RPS6KA3: variants seen among roughly 807,000 people sequenced by gnomAD.
RPS6KA3 encodes the protein ribosomal protein S6 kinase A3, also known as ribosomal protein S6 kinase alpha-3.
RPS6KA3 carries 4 observed loss-of-function variants against 67.2 expected under a neutral mutation model. The ratio of observed to expected loss-of-function variants is 0.06; its 90% CI spans 0.03 to 0.14. RPS6KA3 has a LOEUF of 0.14. Among genes scored for constraint, RPS6KA3 ranks in the 10% least tolerant of loss-of-function variants. The probability of loss-of-function intolerance (pLI) is 1.00; values close to 1 mark genes in which losing one functional copy is unlikely to be tolerated. For missense variants in RPS6KA3, 204 were observed against 559.0 expected, an observed-to-expected ratio of 0.36 and a Z score of 6.40; for synonymous variants, 182 against 183.7, an observed-to-expected ratio of 0.99 and a Z score of 0.07.
chrX:20,192,664 G>A (rs979255285), intron 7 of RPS6KA3, among the ~76,000 whole-genome samples: 9 of 92,119 alleles, frequency 9.8e-5, no homozygotes, highest in African/African-American at 1.3e-4. Flanking sequence ...GCAACAGAGC[G>A]ATCTTGGCTC....
intron 10 of RPS6KA3, among the ~76,000 whole-genome samples, chrX:20,183,817 C>T (rs1202042824): frequency 8.9e-6 from 1 of 111,967 alleles, no homozygotes; most frequent in Non-Finnish European, 1.9e-5. Flanking sequence ...TGCATTGAAA[C>T]TATAGTTTTG....
intron 2 of RPS6KA3, among the ~76,000 whole-genome samples, chrX:20,211,643 A>T: frequency 9.0e-6 from 1 of 111,609 alleles, no homozygotes; most frequent in East Asian, 2.8e-4. Flanking sequence ...CACGTAAAGA[A>T]GTTCTCTTCT....
intron 3 of RPS6KA3, among the ~76,000 whole-genome samples, chrX:20,204,560 A>G (rs911761626): frequency 8.9e-6 from 1 of 112,111 alleles, no homozygotes; most frequent in Non-Finnish European, 1.9e-5. Flanking sequence ...TCTTTTCTGT[A>G]TACAAAAGCT....
intron 1 of RPS6KA3, among the ~76,000 whole-genome samples, chrX:20,242,114 GTA>G (rs1468910715): frequency 9.0e-6 from 1 of 111,468 alleles, no homozygotes; most frequent in Admixed American, 9.5e-5. Context: ...ATTGATATAA[GTA>G]TATAAACAAT....
chrX:20,168,081 T>G (rs145884193), intron 16 of RPS6KA3, among the ~76,000 whole-genome samples: 296 of 112,079 alleles, frequency 2.6e-3, no homozygotes, highest in African/African-American at 9.0e-3. Flanking sequence ...CTGAGGAAAT[T>G]TGAGTTTTGA....
At chrX:20,239,746 T>TA (rs1335665003) in intron 1 of RPS6KA3, among the ~76,000 whole-genome samples, 2 of 111,500 alleles carry the variant, frequency 1.8e-5, no homozygotes, top group Non-Finnish European at 3.8e-5. Flanking sequence ...TTCAATGTTG[T>TA]AAAAAATTAT....
intron 1 of RPS6KA3, among the ~76,000 whole-genome samples, chrX:20,236,605 G>A (rs1374513086): frequency 9.0e-6 from 1 of 111,268 alleles, no homozygotes; most frequent in Non-Finnish European, 1.9e-5. Context: ...ATCTTAGAAG[G>A]TCTACTGACC....
At chrX:20,244,992 A>T (rs991178406) in intron 1 of RPS6KA3, among the ~76,000 whole-genome samples, 2 of 112,329 alleles carry the variant, frequency 1.8e-5, no homozygotes, top group African/African-American at 6.5e-5. Context: ...TAGGGAATAT[A>T]AGGAAAACAT....
intron 1 of RPS6KA3, chrX:20,240,731 T>C (rs1390032528): frequency 8.9e-6 from 1 of 112,394 alleles, no homozygotes; most frequent in Non-Finnish European, 1.8e-5. Context: ...TCATAATACA[T>C]CTATTCATAT....
chrX:20,195,957 G>A (rs746472217), intron 4 of RPS6KA3, among the ~76,000 whole-genome samples: 1 of 112,345 alleles, frequency 8.9e-6, no homozygotes, highest in East Asian at 2.8e-4. Flanking sequence ...TATATGCAAA[G>A]TAGCACCATG....
chrX:20,176,104 C>T lies in RPS6KA3; in HGVS notation c.1102+146G>A, dbSNP rs2067692538. 1.5e-5 allele frequency: 7 copies of T among 475,021 alleles called. No homozygotes were observed. The Middle Eastern group carries it at 2.3e-3, about 157-fold the overall frequency. The allele number at this position is 475,021 out of a possible 1,213,427, so 39.1% of individuals were successfully genotyped here. A position where few individuals can be genotyped will look rare whatever the true frequency, so the allele number is the denominator to read the frequency against. ...CAAGCTGGTCTCCAACTCCTGGCCT[C>T]AAGCGATCTGCTCGCCTCAGCCTCC... On this transcript the variant is annotated intron_variant, in intron 13 of 21. Coordinates refer to ENST00000379565, the MANE Select transcript of RPS6KA3 (RefSeq NM_004586.3).
In RPS6KA3 at chrX:20,219,098, C is replaced by T. The variant is rs758142196; in HGVS notation, c.127-9694G>A. The T allele has an allele frequency of 1.4e-3, 402 of 293,416 alleles. 1 individual carries two copies. Among genetic ancestry groups the T allele is most frequent in the Non-Finnish European group, 2.1e-3 (355 of 165,348 alleles). 24.2% of individuals were successfully genotyped at this position (293,416 alleles called of 1,213,427 possible). ...AGAATAGGAAACCAAAACAGATTTG[C>T]TGATAGCCAAATCCTGTTGAAATAT... On this transcript the variant is annotated intron_variant, in intron 2 of 21. Coordinates refer to ENST00000379565, the MANE Select transcript of RPS6KA3 (RefSeq NM_004586.3).
rs141736398 is a variant in RPS6KA3 at position 20,217,086 on chromosome X, A to T, written c.127-7682T>A. Among the ~76,000 whole-genome samples, 329 of 112,193 alleles carry T rather than the reference A, an allele frequency of 2.9e-3. 3 individuals carry two copies. Among genetic ancestry groups the T allele is most frequent in the Middle Eastern group, 0.023 (5 of 217 alleles). ...CATATACTTTTACAATTCTGTAAAG[A>T]GTGTCATTTTGGACATCATGGAAAA... On this transcript the variant is annotated intron_variant, in intron 2 of 21. Transcript: ENST00000379565.
intron 1 of RPS6KA3, among the ~76,000 whole-genome samples, chrX:20,242,302 A>T (rs1304665410): frequency 1.8e-5 from 2 of 111,993 alleles, no homozygotes; most frequent in African/African-American, 6.5e-5. Context: ...CAAATTTTGG[A>T]ATGTTTTGAA....
chrX:20,266,025 G>A (rs1284475758), intron 1 of RPS6KA3: 2 of 111,247 alleles, frequency 1.8e-5, no homozygotes, highest in African/African-American at 6.6e-5. Flanking sequence ...CGGCAGACGA[G>A]GGGGAGGCAA....
At chrX:20,209,487 T>A (rs2068655724) in intron 2 of RPS6KA3, 83 bp from the exon 3 acceptor site, 6 of 540,146 alleles carry the variant, frequency 1.1e-5, no homozygotes, top group South Asian at 2.6e-5. Context: ...ATTAATTTAA[T>A]CTTACTAGAA....
intron 1 of RPS6KA3, among the ~76,000 whole-genome samples, chrX:20,262,427 T>C (rs184003162): frequency 8.9e-5 from 10 of 112,151 alleles, no homozygotes; most frequent in African/African-American, 2.9e-4. Context: ...ATACTTATTG[T>C]GGTTTCCAGA....
intron 3 of RPS6KA3, among the ~76,000 whole-genome samples, chrX:20,207,374 TGA>T (rs993411018): frequency 6.2e-5 from 7 of 112,250 alleles, no homozygotes; most frequent in Admixed American, 5.7e-4. Context: ...GGAAAGATCA[TGA>T]GTTTGGTCTC....
rs753555986 is a variant in RPS6KA3, at chrX:20,190,869, C to T, written c.594-2335G>A. Among the ~76,000 whole-genome samples, 5 of 102,920 alleles carry T rather than the reference C, an allele frequency of 4.9e-5. No homozygotes were observed. The South Asian group carries it at 2.1e-3, about 43-fold the overall frequency. The allele number at this position is 102,920 out of a possible 115,157, so 89.4% of individuals were successfully genotyped here. On this transcript the variant is annotated intron_variant, in intron 7 of 21. Coordinates refer to ENST00000379565, the MANE Select transcript of RPS6KA3 (RefSeq NM_004586.3). Reference sequence around the variant, plus strand: ...ATACAGAATTTAAATTTTGTACTAACTTTTTTTTTTTTTTATTATGCTTTA... The same window carrying T: ...ATACAGAATTTAAATTTTGTACTAATTTTTTTTTTTTTTTATTATGCTTTA...
Sources: gnomAD v4.1 joint callset for allele counts (sites outside exome capture counted in the v4.1 genomes callset) on GRCh38, gnomAD v4.1.1 for gene constraint, MANE v1.5 for transcripts, NCBI Gene and HGNC (gene_info 2026-07-23, HGNC 2026-07-21) for gene names.